Variants in MBD6 observed in about 807,000 individuals in gnomAD.
MBD6 encodes the protein methyl-CpG-binding domain protein 6.
MBD6 carries 22 observed loss-of-function variants against 66.8 expected under a neutral mutation model. The ratio of observed to expected loss-of-function variants is 0.33; its 90% CI spans 0.24 to 0.47. MBD6 has a LOEUF of 0.47. Among genes scored for constraint, MBD6 ranks in the 20% least tolerant of loss-of-function variants. The pLI is 1.00. For missense variants in MBD6, 1,322 were observed against 1,286.9 expected (o/e 1.03, Z -0.42); for synonymous variants, 540 against 534.6 (o/e 1.01, Z -0.14).
In MBD6 at chr12:57,524,950, C is replaced by T. The variant is rs1440475616; in HGVS notation, c.217-3C>T. On this transcript the variant is annotated splice_region_variant and splice_polypyrimidine_tract_variant and intron_variant, in intron 4 of 12. Transcript: ENST00000355673. Reference sequence around the variant, plus strand: ...GTCCCTGTCCTTGCTTTCCACCTTACAGGTTTTCAACTTTGACCCTTTGGC... The same window carrying T: ...GTCCCTGTCCTTGCTTTCCACCTTATAGGTTTTCAACTTTGACCCTTTGGC... The T allele has an allele frequency of 1.4e-5, 23 of 1,600,816 alleles. No individual in the cohort carries two copies. Among genetic ancestry groups the T allele is most frequent in the Non-Finnish European group, 1.7e-5 (20 of 1,171,652 alleles).
chr12:57,527,882 C>T lies in MBD6; in HGVS notation c.2271C>T (p.Ala757=). 3 of 1,613,810 alleles carry T rather than the reference C, an allele frequency of 1.9e-6. No homozygotes were observed. The highest frequency in any genetic ancestry group is 2.2e-5 in the South Asian group (2 of 91,070). The change falls in exon 9 of 13, where the codon GCC becomes GCT. Residue 757 remains alanine, a synonymous_variant. Transcript: ENST00000355673. ...DLSSLTSSPG[A]LPSLLQPPGP... is the part of the protein sequence containing the mutation. ...CTTCACTGACCAGCAGCCCTGGAGC[C>T]CTCCCCAGCCTGTTGCAGCCTCCTG...
Position 57,529,018 on chromosome 12 carries a change from G to A in MBD6, c.2937+9G>A. On this transcript the variant is annotated intron_variant, in intron 12 of 12. Coordinates refer to ENST00000355673, the MANE Select transcript of MBD6 (RefSeq NM_052897.4). ...CCAGCCCTACAGCCCGAGTAAGTGTGTGTTTGGGTGGATGGGTGGATGGGT... is the reference window on the plus strand; with the variant it reads ...CCAGCCCTACAGCCCGAGTAAGTGTATGTTTGGGTGGATGGGTGGATGGGT... 6.2e-7 allele frequency: 1 copy of A among 1,614,096 alleles called. No individual in the cohort carries two copies.
At chr12:57,528,745 G>C in intron 11 of MBD6, 27 bp downstream of exon 11, 3 of 1,613,814 alleles carry the variant, frequency 1.9e-6, no homozygotes, top group Non-Finnish European at 2.5e-6. Context: ...CTATAGTGCT[G>C]GCCTTTGCCT....
In MBD6 at chr12:57,524,812, A is replaced by G. The variant is rs1565662301; in HGVS notation, c.206A>G (p.Asn69Ser). ...TCKCGLECPL[N>S]VPKVFNFDPL... ...AAGTGCGGTCTGGAGTGTCCACTTA[A>G]TGTCCCCAAGGTCAGAGTGGTGAGG... The change falls in exon 4 of 13, where the codon AAT becomes AGT. Residue 69 changes from asparagine (N) to serine (S), a missense_variant. By Grantham distance (46) the Asn-to-Ser change is conservative (BLOSUM62 1). Coordinates refer to ENST00000355673, the MANE Select transcript of MBD6 (RefSeq NM_052897.4). The G allele has an allele frequency of 9.3e-6, 15 of 1,614,210 alleles. No homozygotes were observed. The highest frequency in any genetic ancestry group is 1.1e-5 in the Non-Finnish European group (13 of 1,180,030).
upstream of MBD6, chr12:57,521,478 A>AAAAC (rs376199589): frequency 6.6e-6 from 1 of 152,396 alleles, no homozygotes; most frequent in Non-Finnish European, 1.5e-5. Context: ...AACAAAAAAC[A>AAAAC]AAACAAACAA....
At chr12:57,524,928 C>T (rs766668320) in intron 4 of MBD6, 25 bp from the exon 5 acceptor site, 17 of 1,600,994 alleles carry the variant, frequency 1.1e-5, no homozygotes, top group Non-Finnish European at 1.5e-5. Flanking sequence ...CCTCAGGGTC[C>T]CTGTCCTTGC....
chr12:57,524,568 C>T (rs1878707671), intron 3 of MBD6, 152 bp downstream of exon 3: 2 of 1,035,722 alleles, frequency 1.9e-6, no homozygotes, highest in Non-Finnish European at 2.9e-6. Context: ...TAGCTCTGGG[C>T]CTTTGAATCC....
Position 57,528,246 on chromosome 12 carries a change from C to A in MBD6, c.2506C>A (p.Pro836Thr), listed in dbSNP as rs1879195862. 6.2e-7 allele frequency: 1 copy of A among 1,608,008 alleles called. No homozygotes were observed. The highest frequency in any genetic ancestry group is 1.7e-4 in the Middle Eastern group (1 of 5,998). ...CAGGCCTCCCCTCAGTGCCTTAGCCCCACCCCATGGTTCTCCCGACCCCCC... is the reference window on the plus strand; with the variant it reads ...CAGGCCTCCCCTCAGTGCCTTAGCCACACCCCATGGTTCTCCCGACCCCCC... ...PARPPLSALAPPHGSPDPPVP... is the reference protein window; with the variant it reads ...PARPPLSALATPHGSPDPPVP... Residue 836 changes from proline to threonine, a missense_variant, in exon 10 of 13, where the codon CCA becomes ACA. Transcript: ENST00000355673.
Position 57,524,399 on chromosome 12 carries a change from T to C in MBD6, c.96T>C (p.Gly32=), listed in dbSNP as rs1465140044. 6.3e-7 allele frequency: 1 copy of C among 1,591,450 alleles called. No individual in the cohort carries two copies. Among genetic ancestry groups the C allele is most frequent in the Non-Finnish European group, 8.6e-7 (1 of 1,169,272 alleles). The part of the protein sequence containing the change: ...PIGWQRCVRE[G]AVLYISPSGT... ...GCTGGCAGCGCTGTGTGCGAGAGGGTGCTGTGCTCTACATCAGGTACGGAT... is the reference window on the plus strand; with the variant it reads ...GCTGGCAGCGCTGTGTGCGAGAGGGCGCTGTGCTCTACATCAGGTACGGAT... The change falls in exon 3 of 13, where the codon GGT becomes GGC. Residue 32 remains glycine, a synonymous_variant. Transcript: ENST00000355673.
chr12:57,522,119 T>C (rs1235888814), upstream of MBD6, among the ~76,000 whole-genome samples: 1 of 152,138 alleles, frequency 6.6e-6, no homozygotes, highest in African/African-American at 2.4e-5. Context: ...AGCCAGAGTT[T>C]AAGTAGAAAC....
At chr12:57,527,279 G>A (rs1879062730) in intron 7 of MBD6, 52 bp downstream of exon 7, 1 of 1,231,954 alleles carries the variant, frequency 8.1e-7, no homozygotes, top group South Asian at 1.5e-5. Context: ...AATAAGAGAT[G>A]GGAGCTGGGA....
downstream of MBD6, chr12:57,530,737 C>G (rs984526463): frequency 4.3e-6 from 7 of 1,613,826 alleles, no homozygotes; most frequent in African/African-American, 1.3e-5. Flanking sequence ...CAAAGTTCCC[C>G]TCAACTGTGG....
Position 57,528,296 on chromosome 12 carries a change from G to A in MBD6, c.2556G>A (p.Arg852=). The A allele has an allele frequency of 6.2e-7, 1 of 1,606,272 alleles. No homozygotes were observed. Among genetic ancestry groups the A allele is most frequent in the Non-Finnish European group, 8.5e-7 (1 of 1,175,908 alleles). Reference sequence around the variant, plus strand: ...CAGTCCCTGAGCTGCTCACTGGGAGGGGGTCAGGGAAACGGGGCCGGAGGG... The same window carrying A: ...CAGTCCCTGAGCTGCTCACTGGGAGAGGGTCAGGGAAACGGGGCCGGAGGG... ...DPPVPELLTG[R]GSGKRGRRGG... Residue 852 remains arginine, a synonymous_variant, in exon 10 of 13, where the codon AGG becomes AGA. Coordinates refer to ENST00000355673, the MANE Select transcript of MBD6 (RefSeq NM_052897.4).
At position 57,529,439 on chromosome 12, in the gene MBD6, G is replaced by A. The variant is rs1034477815; in HGVS notation, c.*205G>A. On this transcript the variant is annotated 3_prime_UTR_variant, in exon 13 of 13. Coordinates refer to ENST00000355673, the MANE Select transcript of MBD6 (RefSeq NM_052897.4). ...GTTCACCCCCCCCCACCACCCCCCC[G>A]CCCCCCCGAAGCCATGTCACTGAAA... The A allele has an allele frequency of 1.4e-3, 646 of 458,532 alleles. 2 individuals are homozygous for A. In the African/African-American group the frequency reaches 0.016, roughly 11 times the overall value. The allele number at this position is 458,532 out of a possible 1,614,324, so 28.4% of individuals were successfully genotyped here. A position where few individuals can be genotyped will look rare whatever the true frequency, so the allele number is the denominator to read the frequency against.
intron 5 of MBD6, 81 bp from the exon 6 acceptor site, chr12:57,525,267 G>T: frequency 2.0e-6 from 3 of 1,487,114 alleles, no homozygotes; most frequent in Non-Finnish European, 2.7e-6. Flanking sequence ...TTGGGAACTT[G>T]TGGGAGATGG....
chr12:57,529,037 G>A (rs1879318900), intron 12 of MBD6, 28 bp downstream of exon 12: 1 of 1,614,018 alleles, frequency 6.2e-7, no homozygotes, highest in South Asian at 1.1e-5. Flanking sequence ...TGGATGGGTG[G>A]ATGGGTAGGG....
downstream of MBD6, chr12:57,530,557 A>G (rs1879574555): frequency 1.3e-6 from 1 of 784,534 alleles, no homozygotes; most frequent in African/African-American, 1.7e-5. Context: ...CCCACATGCA[A>G]GAAGAACCCT....
intron 6 of MBD6, 46 bp from the exon 7 acceptor site, chr12:57,526,520 G>A: frequency 6.6e-7 from 1 of 1,512,876 alleles, no homozygotes. Flanking sequence ...TTTGGATGAT[G>A]GGAGAAAGGG....
downstream of MBD6, among the ~76,000 whole-genome samples, chr12:57,531,352 G>A (rs1249425978): frequency 6.6e-6 from 1 of 151,576 alleles, no homozygotes; most frequent in South Asian, 2.1e-4. Flanking sequence ...GTGAAACCCC[G>A]TCTCTACTAA....
Sources: allele counts gnomAD v4.1 joint callset (sites outside exome capture counted in the v4.1 genomes callset), GRCh38; gene constraint gnomAD v4.1.1; transcripts MANE v1.5; gene names NCBI Gene and HGNC (gene_info 2026-07-23, HGNC 2026-07-21).